The following OPCML variants were observed in gnomAD, a reference collection of about 807,000 sequenced individuals.
OPCML encodes opioid binding protein/cell adhesion molecule like.
A neutral mutation model predicts 37.8 loss-of-function variants in OPCML; 13 were observed. That is an observed-to-expected ratio of 0.34 (90% CI 0.22 to 0.55). The LOEUF (loss-of-function observed/expected upper bound fraction) is 0.55, where lower values mean the gene tolerates loss of function less well. OPCML is among the 20% of genes least tolerant of loss of function. The probability of loss-of-function intolerance (pLI) is 0.91; values close to 1 mark genes in which losing one functional copy is unlikely to be tolerated. For synonymous variants in OPCML, 176 were observed against 168.8 expected (o/e 1.04, Z -0.33); for missense variants, 341 against 435.6 (o/e 0.78, Z 1.93).
At chr11:132,944,911 A>G (rs1259122671) in intron 1 of OPCML, among the ~76,000 whole-genome samples, 1 of 152,224 alleles carries the variant, frequency 6.6e-6, no homozygotes, top group Non-Finnish European at 1.5e-5. Context: ...GCTCTGCACA[A>G]TTGGCAAAAT....
At chr11:133,017,077 C>A (rs1947347885) in intron 1 of OPCML, among the ~76,000 whole-genome samples, 1 of 152,170 alleles carries the variant, frequency 6.6e-6, no homozygotes, top group African/African-American at 2.4e-5. Flanking sequence ...AAGGTGCCTG[C>A]AGGGTTGGAT....
chr11:133,446,280 G>A (rs555214960), intron 1 of OPCML, among the ~76,000 whole-genome samples: 1 of 152,216 alleles, frequency 6.6e-6, no homozygotes, highest in Admixed American at 6.5e-5. Context: ...GATATCCTTT[G>A]TAGTTTGCAT....
At chr11:133,210,082 T>C (rs1171460512) in intron 1 of OPCML, among the ~76,000 whole-genome samples, 1 of 152,196 alleles carries the variant, frequency 6.6e-6, no homozygotes, top group Non-Finnish European at 1.5e-5. Flanking sequence ...ATAAAGTCTC[T>C]CTCACGGCAT....
chr11:132,917,763 G>A (rs1285063689), intron 2 of OPCML, among the ~76,000 whole-genome samples: 1 of 152,160 alleles, frequency 6.6e-6, no homozygotes, highest in Non-Finnish European at 1.5e-5. Context: ...GTAGCACAAT[G>A]GCTTGCTTAT....
intron 2 of OPCML, among the ~76,000 whole-genome samples, chr11:132,901,497 C>T (rs554259526): frequency 2.0e-5 from 3 of 152,318 alleles, no homozygotes; most frequent in African/African-American, 4.8e-5. Flanking sequence ...CTCTCAATCA[C>T]GGTTTGCTTC....
At position 132,694,179 on chromosome 11, in the gene OPCML, C is replaced by CTT. The variant is rs1162305568; in HGVS notation, c.147-36862_147-36861dup. ...GAGTTTCGTTCTGTGAAATCAATGT[C>CTT]TTTTTTTTTTTTTTTTTTTTTTTTT... On this transcript the variant is annotated intron_variant, in intron 2 of 7. Coordinates refer to ENST00000524381, the MANE Select transcript of OPCML (RefSeq NM_001012393.5). Among the ~76,000 whole-genome samples, 63 of 43,014 alleles carry CTT rather than the reference C, an allele frequency of 1.5e-3. 11 individuals carry two copies. Among genetic ancestry groups the CTT allele is most frequent in the Middle Eastern group, 0.019 (1 of 54 alleles). The allele number at this position is 43,014 out of a possible 152,430, so 28.2% of individuals were successfully genotyped here.
chr11:132,664,961 G>A (rs1015650661), intron 2 of OPCML, among the ~76,000 whole-genome samples: 3 of 152,238 alleles, frequency 2.0e-5, no homozygotes, highest in Middle Eastern at 3.4e-3. Flanking sequence ...GTAGTGCAAC[G>A]GGTTGACTTT....
At chr11:132,769,409 C>T (rs1427392637) in intron 2 of OPCML, among the ~76,000 whole-genome samples, 2 of 152,010 alleles carry the variant, frequency 1.3e-5, no homozygotes, top group African/African-American at 2.4e-5. Flanking sequence ...ACAAACAAGA[C>T]TTTGTGACTG....
chr11:132,607,367 A>G (rs1341257006), intron 3 of OPCML, among the ~76,000 whole-genome samples: 1 of 152,112 alleles, frequency 6.6e-6, no homozygotes, highest in African/African-American at 2.4e-5. Context: ...AGGTTCTTTG[A>G]ACACGAAGTA....
At chr11:132,890,531 G>C (rs1471357524) in intron 2 of OPCML, among the ~76,000 whole-genome samples, 1 of 151,988 alleles carries the variant, frequency 6.6e-6, no homozygotes, top group African/African-American at 2.4e-5. Context: ...ACATACAAAA[G>C]AGCAAGATAA....
intron 1 of OPCML, among the ~76,000 whole-genome samples, chr11:133,137,993 T>C (rs899859432): frequency 6.6e-6 from 1 of 152,170 alleles, no homozygotes; most frequent in African/African-American, 2.4e-5. Flanking sequence ...TTTACCCCCA[T>C]CAACACTCAG....
At chr11:132,784,727 T>C (rs1413305562) in intron 2 of OPCML, among the ~76,000 whole-genome samples, 1 of 152,184 alleles carries the variant, frequency 6.6e-6, no homozygotes, top group African/African-American at 2.4e-5. Context: ...TCTTGCTCTA[T>C]TAGACCTCAC....
chr11:133,270,764 T>C (rs1941805349), intron 1 of OPCML, among the ~76,000 whole-genome samples: 2 of 152,144 alleles, frequency 1.3e-5, no homozygotes, highest in South Asian at 4.2e-4. Flanking sequence ...TATCCTAACA[T>C]GCTTGCGACA....
chr11:133,420,391 T>C (rs1945862352), intron 1 of OPCML: 1 of 985,336 alleles, frequency 1.0e-6, no homozygotes, highest in Non-Finnish European at 1.2e-6. Context: ...GTTGGTTCTT[T>C]TTAATTAACT....
At chr11:133,419,404 G>T in intron 1 of OPCML, 1 of 891,982 alleles carries the variant, frequency 1.1e-6, no homozygotes, top group Non-Finnish European at 1.3e-6. Context: ...TAAATTTTCA[G>T]AAATTATATG....
At chr11:133,398,238 G>A (rs192019161) in intron 1 of OPCML, among the ~76,000 whole-genome samples, 1 of 152,152 alleles carries the variant, frequency 6.6e-6, no homozygotes, top group African/African-American at 2.4e-5. Flanking sequence ...TTCAAGCCTC[G>A]TCTCTGATCT....
At chr11:133,502,878 G>A (rs543623268) in intron 1 of OPCML, among the ~76,000 whole-genome samples, 30 of 152,296 alleles carry the variant, frequency 2.0e-4, no homozygotes, top group Non-Finnish European at 3.8e-4. Flanking sequence ...ATGGGACTGA[G>A]GAGGGCCAGC....
At chr11:132,668,970 C>T (rs79387294) in intron 2 of OPCML, among the ~76,000 whole-genome samples, 4,002 of 152,100 alleles carry the variant, frequency 0.026, 76 homozygotes, top group Non-Finnish European at 0.039. Flanking sequence ...ACAACTTTAA[C>T]TTTTTATTTT....
intron 1 of OPCML, among the ~76,000 whole-genome samples, chr11:133,378,348 G>A (rs147484494): frequency 2.0e-5 from 3 of 152,022 alleles, no homozygotes; most frequent in Non-Finnish European, 4.4e-5. Flanking sequence ...CAAACATTAC[G>A]TTTGTATTAA....
Sources: allele counts gnomAD v4.1 joint callset (sites outside exome capture counted in the v4.1 genomes callset), GRCh38; gene constraint gnomAD v4.1.1; transcripts MANE v1.5; gene names NCBI Gene and HGNC (gene_info 2026-07-23, HGNC 2026-07-21).